Variants in HSPA12B observed in about 807,000 individuals in gnomAD.
The protein encoded by HSPA12B is heat shock 70 kDa protein 12B.
In HSPA12B, 54 loss-of-function variants were observed where a neutral mutation model predicts 69.3. That is an observed-to-expected ratio of 0.78 (90% CI 0.63 to 0.98). The LOEUF is 0.98. Ranked by LOEUF, HSPA12B falls within the 50% of genes least tolerant of loss-of-function variation. The pLI, the probability that HSPA12B is intolerant of heterozygous loss-of-function variation, is 0.00. For synonymous variants in HSPA12B, 441 were observed against 436.5 expected (o/e 1.01, Z -0.13); for missense variants, 929 against 999.8 (o/e 0.93, Z 0.96).
chr20:3,751,451 C>G, intron 12 of HSPA12B, 60 bp from the exon 13 acceptor site: 1 of 1,362,324 alleles, frequency 7.3e-7, no homozygotes, highest in Non-Finnish European at 9.4e-7. Context: ...CAGTGGCTCT[C>G]TCTCCCCCGC....
chr20:3,733,298 G>A (rs1334510337), intron 1 of HSPA12B, among the ~76,000 whole-genome samples: 1 of 152,132 alleles, frequency 6.6e-6, no homozygotes, highest in Non-Finnish European at 1.5e-5. Context: ...GTCCAGGTGG[G>A]GTGGGGTCCA....
In HSPA12B at chr20:3,737,095, A is replaced by T. The variant is rs1600307397; in HGVS notation, c.-17-1563A>T. ...AAATAAATAAATAAATAAATAAATA[A>T]ATAAATAAATATGAAATACATGTTC... On this transcript the variant is annotated intron_variant, in intron 1 of 12. Coordinates refer to ENST00000254963, the MANE Select transcript of HSPA12B (RefSeq NM_052970.5). This position sits in a 1 kb window ranked among gnomAD's most constrained non-coding sequence, Gnocchi z 4.1. Among the ~76,000 whole-genome samples, 1 of 146,196 alleles carries T rather than the reference A, an allele frequency of 6.8e-6. No homozygotes were observed. Among genetic ancestry groups the T allele is most frequent in the Non-Finnish European group, 1.5e-5 (1 of 67,732 alleles).
rs770706779 is a variant in HSPA12B at position 3,745,598 on chromosome 20, G to T, written c.558+1G>T. On this transcript the variant is annotated splice_donor_variant, in intron 6 of 12. Coordinates refer to ENST00000254963, the MANE Select transcript of HSPA12B (RefSeq NM_052970.5). LOFTEE classifies it high-confidence loss of function. This position sits in a 1 kb window ranked among gnomAD's most constrained non-coding sequence, Gnocchi z 5.6. ...CTTCTTCAGGGAGCACGCCCTTCAGGTGCGCTGCGGCCCCACCTCTGCCGA... is the reference window on the plus strand; with the variant it reads ...CTTCTTCAGGGAGCACGCCCTTCAGTTGCGCTGCGGCCCCACCTCTGCCGA... 1 of 1,613,196 alleles carries T rather than the reference G, an allele frequency of 6.2e-7. No individual in the cohort carries two copies. Among genetic ancestry groups the T allele is most frequent in the African/African-American group, 1.3e-5 (1 of 74,908 alleles).
chr20:3,742,212 G>C, intron 3 of HSPA12B, 72 bp from the exon 4 acceptor site: 1 of 1,575,978 alleles, frequency 6.3e-7, no homozygotes, highest in Non-Finnish European at 8.7e-7. Context: ...CCATGCAGAG[G>C]AAGCATTGGG....
At position 3,732,728 on chromosome 20, in the gene HSPA12B, C is replaced by G. The variant is rs2088050092; in HGVS notation, c.-84C>G. 1 of 151,708 alleles carries G rather than the reference C, an allele frequency of 6.6e-6. No individual in the cohort carries two copies. The highest frequency in any genetic ancestry group is 1.5e-5 in the Non-Finnish European group (1 of 67,818). 9.4% of individuals were successfully genotyped at this position (151,708 alleles called of 1,614,324 possible). ...AGGGCTGCGGCCGCCGCAGCGGGCA[C>G]GGCCAACGAGCTGCGGGCCCGGGAT... On this transcript the variant is annotated 5_prime_UTR_variant, in exon 1 of 13. Transcript: ENST00000254963.
chr20:3,748,399 G>GC lies in HSPA12B; in HGVS notation c.850+13dup, dbSNP rs761695626. On this transcript the variant is annotated intron_variant, in intron 8 of 12. Transcript: ENST00000254963. ...ACTCCAGCTTCCGTCAGGGTGAGCT[G>GC]CCCCCGGGGACACCACCCACCCCTG... is the stretch of plus-strand genomic sequence containing the variant. 26 of 1,574,764 alleles carry GC rather than the reference G, an allele frequency of 1.7e-5. No individual in the cohort carries two copies. Among genetic ancestry groups the GC allele is most frequent in the Non-Finnish European group, 2.2e-5 (26 of 1,162,650 alleles).
Position 3,748,399 on chromosome 20 carries a change from G to A in HSPA12B, c.850+8G>A. ...ACTCCAGCTTCCGTCAGGGTGAGCTGCCCCCGGGGACACCACCCACCCCTG... is the reference window on the plus strand; with the variant it reads ...ACTCCAGCTTCCGTCAGGGTGAGCTACCCCCGGGGACACCACCCACCCCTG... On this transcript the variant is annotated splice_region_variant and intron_variant, in intron 8 of 12. Transcript: ENST00000254963. 6.4e-7 allele frequency: 1 copy of A among 1,574,770 alleles called. No individual in the cohort carries two copies. The highest frequency in any genetic ancestry group is 8.6e-7 in the Non-Finnish European group (1 of 1,162,654).
rs1179293479 is a variant in HSPA12B, at chr20:3,740,902, C to T, written c.131C>T (p.Ser44Leu). The T allele has an allele frequency of 5.0e-6, 8 of 1,612,584 alleles. No homozygotes were observed. The highest frequency in any genetic ancestry group is 3.3e-5 in the Admixed American group (2 of 59,812). ...ESCGIAPLTP[S>L]QSPKPEVRAP... ...TGCGGCATTGCCCCCCTCACACCCT[C>T]GCAGTCTCCAGTAAGCCCAGAGCAG... The change falls in exon 3 of 13, where the codon TCG (serine) becomes TTG (leucine). Residue 44 changes from serine to leucine, a missense_variant. This residue lies in a region of HSPA12B where 477 missense variants were observed against 535.2 expected (regional missense o/e 0.89). Coordinates refer to ENST00000254963, the MANE Select transcript of HSPA12B (RefSeq NM_052970.5). The surrounding 1 kb of genome is among the most constrained non-coding windows in gnomAD (Gnocchi z 4.9).
At position 3,740,196 on chromosome 20, in the gene HSPA12B, C is replaced by T. The variant is rs369102575; in HGVS notation, c.44-619C>T. On this transcript the variant is annotated intron_variant, in intron 2 of 12. Coordinates refer to ENST00000254963, the MANE Select transcript of HSPA12B (RefSeq NM_052970.5). The surrounding 1 kb of genome is among the most constrained non-coding windows in gnomAD (Gnocchi z 4.9). ...ATCAGACTTCCTAATGTTGTGGACA[C>T]CCCCAGTTCAGGACTGGGCTATCTC... Among the ~76,000 whole-genome samples the T allele has an allele frequency of 4.6e-5, 7 of 152,200 alleles. No homozygotes were observed. The highest frequency in any genetic ancestry group is 1.7e-4 in the African/African-American group (7 of 41,528).
chr20:3,741,744 C>A (rs1189686387), intron 3 of HSPA12B, among the ~76,000 whole-genome samples: 1 of 152,160 alleles, frequency 6.6e-6, no homozygotes, highest in Non-Finnish European at 1.5e-5. Context: ...AGCTTAGGGA[C>A]CCCCTTATTC....
In HSPA12B at chr20:3,750,804, C is replaced by G. The variant is rs753603589; in HGVS notation, c.1302C>G (p.Ser434Arg). Residue 434 changes from serine to arginine, a missense_variant and splice_region_variant, in exon 12 of 13, where the codon AGC becomes AGG. Ser to Arg is a moderately radical substitution (Grantham distance 110, BLOSUM62 -1). This residue lies in a region of HSPA12B where 448 missense variants were observed against 448.1 expected (regional missense o/e 1.00). Transcript: ENST00000254963. Reference sequence around the variant, plus strand: ...TATTTGCCCCTTTCACCACCAACAGCGTGAACTTCGTGAAGTGGTCCTCAC... The same window carrying G: ...TATTTGCCCCTTTCACCACCAACAGGGTGAACTTCGTGAAGTGGTCCTCAC... ...HNVETALRRS[S>R]VNFVKWSSQG... 6.2e-7 allele frequency: 1 copy of G among 1,613,650 alleles called. No homozygotes were observed. Among genetic ancestry groups the G allele is most frequent in the Non-Finnish European group, 8.5e-7 (1 of 1,179,970 alleles).
chr20:3,751,448 T>C, intron 12 of HSPA12B, 63 bp from the exon 13 acceptor site: 1 of 1,360,104 alleles, frequency 7.4e-7, no homozygotes, highest in Non-Finnish European at 9.4e-7. Flanking sequence ...CCTCAGTGGC[T>C]CTCTCTCCCC....
chr20:3,741,004 A>G (rs981521869), intron 3 of HSPA12B, 92 bp downstream of exon 3: 4 of 1,005,248 alleles, frequency 4.0e-6, no homozygotes, highest in Non-Finnish European at 5.9e-6. Flanking sequence ...TCAGCTAGGA[A>G]GGAGGAGGGG....
intron 4 of HSPA12B, among the ~76,000 whole-genome samples, chr20:3,743,891 AAAT>A (rs1245368073): frequency 6.6e-6 from 1 of 152,190 alleles, no homozygotes; most frequent in African/African-American, 2.4e-5. Flanking sequence ...GGAAAAGAAA[AAAT>A]AATAAAACAA....
Position 3,752,105 on chromosome 20 carries a change from C to A in HSPA12B, c.2000C>A (p.Thr667Asn). The change falls in exon 13 of 13, where the codon ACC becomes AAC. Residue 667 changes from threonine (T) to asparagine (N), a missense_variant. Around this residue, in one of 3 missense-constraint regions of HSPA12B, gnomAD observed 448 missense variants for 448.1 expected, o/e 1.00. Transcript: ENST00000254963. ...TTTGGCGACACCGAAATTAAGGTCA[C>A]CGCCGTCGACGTCAGCACCAATCGC... Reference protein sequence around the residue: ...MQFGDTEIKVTAVDVSTNRSV... With the variant: ...MQFGDTEIKVNAVDVSTNRSV... The A allele has an allele frequency of 7.3e-6, 11 of 1,509,022 alleles. No individual in the cohort carries two copies. The highest frequency in any genetic ancestry group is 9.7e-6 in the Non-Finnish European group (11 of 1,135,594). The allele number at this position is 1,509,022 out of a possible 1,614,324, so 93.5% of individuals were successfully genotyped here. A position where few individuals can be genotyped will look rare whatever the true frequency, so the allele number is the denominator to read the frequency against.
rs190212808 is a variant in HSPA12B at position 3,742,791 on chromosome 20, G to A, written c.266+383G>A. 1.2e-3 allele frequency among the ~76,000 whole-genome samples: 175 copies of A among 151,380 alleles called. 2 individuals are homozygous for A. The highest frequency in any genetic ancestry group is 4.0e-3 in the African/African-American group (163 of 41,202). Reference sequence around the variant, plus strand: ...TAGCTCATTGCAACCTCCACCTCTCGGGTTCAAGCGATTCTCCTGCCTCAG... The same window carrying A: ...TAGCTCATTGCAACCTCCACCTCTCAGGTTCAAGCGATTCTCCTGCCTCAG... On this transcript the variant is annotated intron_variant, in intron 4 of 12. Coordinates refer to ENST00000254963, the MANE Select transcript of HSPA12B (RefSeq NM_052970.5).
At chr20:3,747,710 C>T (rs1039668312) in intron 7 of HSPA12B, among the ~76,000 whole-genome samples, 23 of 152,216 alleles carry the variant, frequency 1.5e-4, no homozygotes, top group Non-Finnish European at 3.1e-4. Flanking sequence ...ACAAAGTTCT[C>T]CTGGAAGTGG....
rs764541315 is a variant in HSPA12B at position 3,748,221 on chromosome 20, G to C, written c.680G>C (p.Gly227Ala). Residue 227 changes from glycine to alanine, a missense_variant, in exon 8 of 13, where the codon GGA (glycine) becomes GCA (alanine). By Grantham distance (60) the Gly-to-Ala change is moderately conservative. Coordinates refer to ENST00000254963, the MANE Select transcript of HSPA12B (RefSeq NM_052970.5). ...CTGCCCACCACCCATCCCCAGGCTG[G>C]ACTAGTGTCCCGAGAGAATGCAGAG... ...QFMREAAYLA[G>A]LVSRENAEQL... The C allele has an allele frequency of 1.3e-6, 2 of 1,563,404 alleles. No homozygotes were observed. The highest frequency in any genetic ancestry group is 2.7e-5 in the African/African-American group (2 of 73,106).
At chr20:3,742,238 G>A (rs2088214654) in intron 3 of HSPA12B, 46 bp from the exon 4 acceptor site, 1 of 1,603,584 alleles carries the variant, frequency 6.2e-7, no homozygotes, top group South Asian at 1.1e-5. Context: ...GGGGGATGGG[G>A]GTGTCCCTGC....
Sources: gnomAD v4.1 joint callset for allele counts (sites outside exome capture counted in the v4.1 genomes callset) on GRCh38, gnomAD v4.1.1 for gene constraint, gnomAD v4.1.1 regional missense constraint, Gnocchi (gnomAD v3.1) non-coding constraint, MANE v1.5 for transcripts, NCBI Gene and HGNC (gene_info 2026-07-23, HGNC 2026-07-21) for gene names.